Variants in HYDIN observed in about 807,000 individuals in gnomAD.
HYDIN encodes axonemal central pair apparatus protein HYDIN.
Under a neutral mutation model 403.9 loss-of-function variants are expected in HYDIN, and 132 were observed. The ratio of observed to expected loss-of-function variants is 0.33; its 90% CI spans 0.28 to 0.38. The LOEUF (loss-of-function observed/expected upper bound fraction) is 0.38, where lower values mean the gene tolerates loss of function less well. Ranked by LOEUF, HYDIN falls within the 10% of genes least tolerant of loss-of-function variation. The pLI, the probability that HYDIN is intolerant of heterozygous loss-of-function variation, is 1.00. For missense variants in HYDIN, 2,827 were observed against 5,009.5 expected (o/e 0.56, Z 13.15); for synonymous variants, 1,202 against 1,891.7 (o/e 0.64, Z 9.46).
chr16:71,127,721 G>A (rs548598680), intron 9 of HYDIN, among the ~76,000 whole-genome samples: 1 of 152,234 alleles, frequency 6.6e-6, no homozygotes, highest in African/African-American at 2.4e-5. Context: ...GCTGGGAACA[G>A]TCTTGGACCG....
chr16:70,984,144 C>T (rs1368327377), intron 28 of HYDIN, among the ~76,000 whole-genome samples: 1 of 152,098 alleles, frequency 6.6e-6, no homozygotes, highest in African/African-American at 2.4e-5. Flanking sequence ...AGGCAGACAC[C>T]TTGAGTTCAG....
chr16:70,985,196 G>A lies in HYDIN; in HGVS notation c.4321C>T (p.Leu1441=), dbSNP rs1183510529. 3.1e-6 allele frequency: 5 copies of A among 1,610,498 alleles called. No individual in the cohort carries two copies. The South Asian group carries it at 5.5e-5, about 18-fold the overall frequency. The change falls in exon 28 of 86, where the codon CTG becomes TTG. Residue 1441 remains leucine, a synonymous_variant. Coordinates refer to ENST00000393567, the MANE Select transcript of HYDIN (RefSeq NM_001270974.2). ...CACCATTTACTTACAGACACAGGCA[G>A]GATTAGTGGCACTCCAGGGAGAAGG... ...DNLLPGVPLI[L]PVSGFISSHQ... is the part of the protein sequence containing the mutation.
chr16:71,016,279 C>A (rs1352854207), intron 23 of HYDIN, among the ~76,000 whole-genome samples: 1 of 151,182 alleles, frequency 6.6e-6, no homozygotes, highest in Non-Finnish European at 1.5e-5. Context: ...TAGCAAAAAA[C>A]CACTAATACC....
intron 41 of HYDIN, among the ~76,000 whole-genome samples, chr16:70,947,542 A>C (rs1441720956): frequency 2.6e-5 from 4 of 151,294 alleles, no homozygotes; most frequent in African/African-American, 9.7e-5. Context: ...TATCAGGATG[A>C]TGCTGGCCTC....
chr16:71,171,136 C>T (rs1472441189), intron 5 of HYDIN, among the ~76,000 whole-genome samples: 1 of 152,226 alleles, frequency 6.6e-6, no homozygotes, highest in African/African-American at 2.4e-5. Context: ...CTGGCCTTCT[C>T]GTACTTTCCC....
At chr16:71,081,113 T>C (rs950465878) in intron 12 of HYDIN, 1 of 152,086 alleles carries the variant, frequency 6.6e-6, no homozygotes, top group African/African-American at 2.4e-5. Context: ...TTGAAGCTAC[T>C]AAATTTGTGA....
At chr16:71,211,286 A>G (rs1333916878) in intron 1 of HYDIN, among the ~76,000 whole-genome samples, 1 of 152,212 alleles carries the variant, frequency 6.6e-6, no homozygotes, top group African/African-American at 2.4e-5. Context: ...ACTTCAAGCC[A>G]TGAGCTAGGC....
chr16:71,203,681 T>A (rs1477777461), intron 1 of HYDIN: 1 of 454,270 alleles, frequency 2.2e-6, no homozygotes, highest in Non-Finnish European at 4.4e-6. Context: ...ACACAAATTA[T>A]TCTATTCTTA....
intron 83 of HYDIN, among the ~76,000 whole-genome samples, chr16:70,820,471 G>T (rs1404972885): frequency 6.6e-6 from 1 of 150,996 alleles, no homozygotes; most frequent in African/African-American, 2.4e-5. Context: ...GAGCCACCGT[G>T]CCGGGCCTAA....
At chr16:71,122,888 C>A (rs112119781) in intron 9 of HYDIN, among the ~76,000 whole-genome samples, 1 of 127,826 alleles carries the variant, frequency 7.8e-6, no homozygotes, top group Non-Finnish European at 1.6e-5. Flanking sequence ...CAGAAATGTT[C>A]CCCTGCTCGC....
At chr16:70,838,176 G>T (rs527530382) in intron 76 of HYDIN, among the ~76,000 whole-genome samples, 37 of 151,368 alleles carry the variant, frequency 2.4e-4, no homozygotes, top group Admixed American at 3.9e-4. Flanking sequence ...TACCGATTCT[G>T]TATTTCTTTC....
At chr16:70,808,117 G>A (rs901175260) in intron 85 of HYDIN, 55 bp from the exon 86 acceptor site, 45 of 1,542,900 alleles carry the variant, frequency 2.9e-5, no homozygotes, top group Non-Finnish European at 3.8e-5. Context: ...AGCACACCAG[G>A]AGCTCAAGTC....
At chr16:70,942,759 C>T (rs1449886997) in intron 42 of HYDIN, among the ~76,000 whole-genome samples, 1 of 152,150 alleles carries the variant, frequency 6.6e-6, no homozygotes, top group African/African-American at 2.4e-5. Flanking sequence ...TGCAGCTAAA[C>T]TTTGTAGCAA....
rs770329526 is a variant in HYDIN, at chr16:70,964,402, G to C, written c.5788+326C>G. 2.8e-3 allele frequency among the ~76,000 whole-genome samples: 425 copies of C among 151,036 alleles called. 8 individuals are homozygous for C. Among genetic ancestry groups the C allele is most frequent in the Non-Finnish European group, 1.1e-3 (76 of 67,716 alleles). ...TCTGCCACTTAAAACTGTGGACCTG[G>C]CCTCTCTGCGCTTCAGTTTCTCATC... is the stretch of plus-strand genomic sequence containing the variant. On this transcript the variant is annotated intron_variant, in intron 37 of 85. Transcript: ENST00000393567.
chr16:70,905,911 C>T (rs1211059584), intron 50 of HYDIN, among the ~76,000 whole-genome samples: 1 of 151,874 alleles, frequency 6.6e-6, no homozygotes, highest in East Asian at 1.9e-4. Flanking sequence ...TGAAGATCTT[C>T]TCCATCATCA....
chr16:71,156,233 A>T (rs1039253704), intron 6 of HYDIN, among the ~76,000 whole-genome samples: 4 of 152,178 alleles, frequency 2.6e-5, no homozygotes, highest in Non-Finnish European at 5.9e-5. Context: ...GGTAAGGGTT[A>T]CTTTGCCTTT....
At chr16:71,040,954 A>ACGTC (rs1043850435) in intron 18 of HYDIN, among the ~76,000 whole-genome samples, 1 of 149,304 alleles carries the variant, frequency 6.7e-6, no homozygotes, top group Non-Finnish European at 1.5e-5. Context: ...AGAATGAATC[A>ACGTC]CGTCCTCCTC....
intron 23 of HYDIN, among the ~76,000 whole-genome samples, chr16:71,010,732 G>A (rs2080054467): frequency 6.6e-6 from 1 of 152,190 alleles, no homozygotes; most frequent in Non-Finnish European, 1.5e-5. Context: ...GGTACTTAGT[G>A]CCTGCCCTTG....
intron 80 of HYDIN, among the ~76,000 whole-genome samples, chr16:70,830,803 G>T (rs1165692515): frequency 2.0e-5 from 3 of 152,144 alleles, no homozygotes; most frequent in Non-Finnish European, 4.4e-5. Context: ...GGAGGAGCAG[G>T]TTTCAGTGAG....
Sources: gnomAD v4.1 joint callset for allele counts (sites outside exome capture counted in the v4.1 genomes callset) on GRCh38, gnomAD v4.1.1 for gene constraint, MANE v1.5 for transcripts, NCBI Gene and HGNC (gene_info 2026-07-23, HGNC 2026-07-21) for gene names.